KCNH7: variants seen among roughly 807,000 people sequenced by gnomAD.
The protein encoded by KCNH7 is potassium voltage-gated channel subfamily H member 7.
A neutral mutation model predicts 120.8 loss-of-function variants in KCNH7; 49 were observed. That is an observed-to-expected ratio of 0.41 (90% CI 0.32 to 0.51). The LOEUF (loss-of-function observed/expected upper bound fraction) is 0.51. Among genes scored for constraint, KCNH7 ranks in the 20% least tolerant of loss-of-function variants. The pLI is 0.38. For synonymous variants in KCNH7, 547 were observed against 516.1 expected, an observed-to-expected ratio of 1.06 and a Z score of -0.81; for missense variants, 1,097 against 1,446.6, an observed-to-expected ratio of 0.76 and a Z score of 3.92.
intron 7 of KCNH7, among the ~76,000 whole-genome samples, chr2:162,443,747 G>T (rs1314996381): frequency 6.6e-6 from 1 of 152,152 alleles, no homozygotes; most frequent in Non-Finnish European, 1.5e-5. Flanking sequence ...CCATCGGATA[G>T]TATCATTCCT....
chr2:162,580,030 A>T (rs1308623052), intron 2 of KCNH7, among the ~76,000 whole-genome samples: 1 of 152,020 alleles, frequency 6.6e-6, no homozygotes, highest in Admixed American at 6.6e-5. Flanking sequence ...TTCATTCAAA[A>T]TGGGCTTGAC....
At position 162,655,992 on chromosome 2, in the gene KCNH7, A is replaced by G. The variant is rs74374521; in HGVS notation, c.308-118912T>C. Among the ~76,000 whole-genome samples the G allele has an allele frequency of 4.6e-3, 703 of 152,294 alleles. 7 individuals carry two copies. The highest frequency in any genetic ancestry group is 0.016 in the African/African-American group (664 of 41,574). ...TTGGCACAAATAACAACAATATAAT[A>G]CATTTTAAAAAGATACAACTATGTA... On this transcript the variant is annotated intron_variant, in intron 2 of 15. Transcript: ENST00000332142.
chr2:162,563,881 A>T (rs1221228134), intron 2 of KCNH7, among the ~76,000 whole-genome samples: 1 of 152,162 alleles, frequency 6.6e-6, no homozygotes, highest in African/African-American at 2.4e-5. Context: ...TGGTGTGTAC[A>T]GCAATGATTT....
chr2:162,517,016 A>T (rs1456856374), intron 4 of KCNH7, among the ~76,000 whole-genome samples: 2 of 151,802 alleles, frequency 1.3e-5, no homozygotes, highest in African/African-American at 4.8e-5. Context: ...ATTGCCTCAG[A>T]CACAGTAAGT....
At chr2:162,696,959 A>G (rs1686314898) in intron 2 of KCNH7, among the ~76,000 whole-genome samples, 1 of 152,154 alleles carries the variant, frequency 6.6e-6, no homozygotes, top group Non-Finnish European at 1.5e-5. Flanking sequence ...TGGTAAATAA[A>G]TGGAAAGAAA....
chr2:162,713,717 T>C (rs1179066971), intron 2 of KCNH7, among the ~76,000 whole-genome samples: 3 of 152,076 alleles, frequency 2.0e-5, no homozygotes, highest in Non-Finnish European at 4.4e-5. Flanking sequence ...TAGAGTAATG[T>C]AGTATTATTG....
chr2:162,586,421 G>T (rs911665744), intron 2 of KCNH7, among the ~76,000 whole-genome samples: 1 of 152,026 alleles, frequency 6.6e-6, no homozygotes, highest in Non-Finnish European at 1.5e-5. Context: ...CATCCCAGGT[G>T]AGCCCTCAAA....
At chr2:162,767,165 G>T (rs965766596) in intron 2 of KCNH7, among the ~76,000 whole-genome samples, 5 of 151,836 alleles carry the variant, frequency 3.3e-5, no homozygotes, top group African/African-American at 1.2e-4. Flanking sequence ...ATATTTTGCT[G>T]CAATGAATAA....
intron 9 of KCNH7, among the ~76,000 whole-genome samples, chr2:162,416,771 TAAAG>T (rs1210142005): frequency 6.6e-6 from 1 of 151,978 alleles, no homozygotes; most frequent in Non-Finnish European, 1.5e-5. Context: ...CCCAACCCAA[TAAAG>T]AAAGCTCTTA....
At chr2:162,757,749 A>G (rs1249366084) in intron 2 of KCNH7, among the ~76,000 whole-genome samples, 1 of 152,164 alleles carries the variant, frequency 6.6e-6, no homozygotes, top group African/African-American at 2.4e-5. Context: ...ACAAGACAAT[A>G]ACTAGGGCAT....
intron 2 of KCNH7, among the ~76,000 whole-genome samples, chr2:162,618,794 C>T (rs961541843): frequency 6.6e-5 from 10 of 152,060 alleles, no homozygotes; most frequent in South Asian, 2.1e-4. Context: ...GAAAACTGTC[C>T]GACACAATGA....
At chr2:162,396,582 T>C (rs1034371427) in intron 11 of KCNH7, among the ~76,000 whole-genome samples, 158 bp downstream of exon 11, 1 of 151,908 alleles carries the variant, frequency 6.6e-6, no homozygotes. Flanking sequence ...TTCCTATAAT[T>C]CAGAAATTTT....
chr2:162,821,625 GT>G (rs1412387122), intron 2 of KCNH7, among the ~76,000 whole-genome samples: 3 of 152,254 alleles, frequency 2.0e-5, no homozygotes, highest in East Asian at 3.9e-4. Context: ...AACAGTCCTG[GT>G]TTTTTCCTAT....
At chr2:162,438,450 A>G (rs1688321943) in intron 7 of KCNH7, among the ~76,000 whole-genome samples, 1 of 152,188 alleles carries the variant, frequency 6.6e-6, no homozygotes, top group Non-Finnish European at 1.5e-5. Context: ...TGGAAAAAGA[A>G]AGTTTAAGAT....
At chr2:162,668,110 T>G (rs1685209958) in intron 2 of KCNH7, among the ~76,000 whole-genome samples, 1 of 152,214 alleles carries the variant, frequency 6.6e-6, no homozygotes, top group African/African-American at 2.4e-5. Context: ...TTTATGATAT[T>G]TTTAATTTTA....
At chr2:162,710,675 CGTA>C (rs1686895920) in intron 2 of KCNH7, among the ~76,000 whole-genome samples, 1 of 152,096 alleles carries the variant, frequency 6.6e-6, no homozygotes, top group African/African-American at 2.4e-5. Flanking sequence ...ACAAGGACTG[CGTA>C]AGGATGCAAT....
chr2:162,713,868 C>T (rs538541300), intron 2 of KCNH7, among the ~76,000 whole-genome samples: 1 of 152,260 alleles, frequency 6.6e-6, no homozygotes, highest in Non-Finnish European at 1.5e-5. Context: ...CCTGCCTCAG[C>T]CTCCCGGGTA....
intron 2 of KCNH7, among the ~76,000 whole-genome samples, chr2:162,739,577 T>C (rs971520076): frequency 7.2e-5 from 11 of 152,114 alleles, no homozygotes; most frequent in African/African-American, 2.7e-4. Context: ...TGGGGCCCAG[T>C]CATCAGGTGA....
chr2:162,513,854 G>A (rs1242985520), intron 4 of KCNH7, among the ~76,000 whole-genome samples: 1 of 151,754 alleles, frequency 6.6e-6, no homozygotes, highest in East Asian at 2.0e-4. Flanking sequence ...TGAATTCAGT[G>A]TAATTACTAG....
Sources: gnomAD v4.1 joint callset for allele counts (sites outside exome capture counted in the v4.1 genomes callset) on GRCh38, gnomAD v4.1.1 for gene constraint, MANE v1.5 for transcripts, NCBI Gene and HGNC (gene_info 2026-07-23, HGNC 2026-07-21) for gene names.